ZBTB16: variants seen among roughly 807,000 people sequenced by gnomAD.
ZBTB16 encodes zinc finger and BTB domain-containing protein 16.
ZBTB16 carries 8 observed loss-of-function variants against 56.8 expected under a neutral mutation model. The observed-to-expected ratio is 0.14, with a 90% CI of 0.08 to 0.25. The LOEUF is 0.25. Among genes scored for constraint, ZBTB16 ranks in the 10% least tolerant of loss-of-function variants. ZBTB16 has a pLI of 1.00. For synonymous variants in ZBTB16, 363 were observed against 368.5 expected (o/e 0.98, Z 0.17); for missense variants, 625 against 903.0 (o/e 0.69, Z 3.95).
rs150453935 is a variant in ZBTB16 at position 114,062,875 on chromosome 11, G to C, written c.-90-336G>C. Among the ~76,000 whole-genome samples the C allele has an allele frequency of 5.2e-3, 794 of 152,282 alleles. 3 individuals are homozygous for C. The highest frequency in any genetic ancestry group is 8.0e-3 in the Non-Finnish European group (546 of 68,024). ...ATAATGAATGTTGGCCTTGCCTAGG[G>C]AGCCCCTACTCTCAGACACAGAGAA... On this transcript the variant is annotated intron_variant, in intron 1 of 6. Coordinates refer to ENST00000335953, the MANE Select transcript of ZBTB16 (RefSeq NM_006006.6).
chr11:114,147,684 TAAAAG>T (rs1299063303), intron 2 of ZBTB16, among the ~76,000 whole-genome samples: 1 of 152,180 alleles, frequency 6.6e-6, no homozygotes, highest in East Asian at 1.9e-4. Context: ...TCTGGTCTCT[TAAAAG>T]AAAAAGAAAA....
chr11:114,143,560 G>GA lies in ZBTB16; in HGVS notation c.1269-12771dup, dbSNP rs1434520777. 2.0e-5 allele frequency among the ~76,000 whole-genome samples: 3 copies of GA among 152,142 alleles called. No individual in the cohort carries two copies. Among genetic ancestry groups the GA allele is most frequent in the Non-Finnish European group, 4.4e-5 (3 of 68,034 alleles). On this transcript the variant is annotated intron_variant, in intron 2 of 6. Transcript: ENST00000335953. The surrounding 1 kb of genome is among the most constrained non-coding windows in gnomAD (Gnocchi z 6.4). ...TGCAGGGAGATTACACAAAAATGTA[G>GA]AAAAAATACGCTAGTGACAGGTCCT...
chr11:114,180,006 CCTT>C (rs1434329514), intron 3 of ZBTB16, among the ~76,000 whole-genome samples: 5 of 152,172 alleles, frequency 3.3e-5, no homozygotes, highest in Admixed American at 2.6e-4. Flanking sequence ...GCTGTTCCCT[CCTT>C]TGATTCCTGT....
Position 114,064,624 on chromosome 11 carries a change from C to T in ZBTB16, c.1268+56C>T. On this transcript the variant is annotated intron_variant, in intron 2 of 6. Transcript: ENST00000335953. The surrounding 1 kb of genome is among the most constrained non-coding windows in gnomAD (Gnocchi z 4.2). ...TAGGACTTGAGGCCCTCACACCCCTCCTTCACACCCTGGCTGCTCCCAAGT... is the reference window on the plus strand; with the variant it reads ...TAGGACTTGAGGCCCTCACACCCCTTCTTCACACCCTGGCTGCTCCCAAGT... The T allele has an allele frequency of 6.3e-7, 1 of 1,596,852 alleles. No homozygotes were observed. The highest frequency in any genetic ancestry group is 8.5e-7 in the Non-Finnish European group (1 of 1,172,666).
At chr11:114,169,137 G>A (rs937538615) in intron 3 of ZBTB16, among the ~76,000 whole-genome samples, 1 of 152,162 alleles carries the variant, frequency 6.6e-6, no homozygotes, top group African/African-American at 2.4e-5. Flanking sequence ...GCATGGCGAC[G>A]CAACTGGGTG....
intron 4 of ZBTB16, among the ~76,000 whole-genome samples, chr11:114,219,764 G>T (rs953246610): frequency 1.3e-5 from 2 of 152,212 alleles, no homozygotes; most frequent in Non-Finnish European, 2.9e-5. Flanking sequence ...TGGGAAGCGT[G>T]CAGAGTGGTG....
intron 2 of ZBTB16, among the ~76,000 whole-genome samples, chr11:114,066,409 A>G (rs1402664312): frequency 6.6e-6 from 1 of 152,208 alleles, no homozygotes; most frequent in Non-Finnish European, 1.5e-5. Flanking sequence ...TTTTTGCTCA[A>G]ACTTTCCTAA....
At chr11:114,191,052 C>T (rs1263540228) in intron 4 of ZBTB16, among the ~76,000 whole-genome samples, 1 of 152,040 alleles carries the variant, frequency 6.6e-6, no homozygotes. Context: ...AGCAGCTGCA[C>T]ACTTTTAAAT....
intron 3 of ZBTB16, among the ~76,000 whole-genome samples, chr11:114,177,464 G>A (rs1943145303): frequency 6.6e-6 from 1 of 152,138 alleles, no homozygotes; most frequent in Admixed American, 6.5e-5. Context: ...TGGTCAGGCT[G>A]GTCTCCAACT....
chr11:114,209,589 C>T (rs1042562153), intron 4 of ZBTB16: 3 of 985,294 alleles, frequency 3.0e-6, no homozygotes, highest in Non-Finnish European at 3.6e-6. Context: ...TCATTTCTTG[C>T]AAGGCAACTG....
chr11:114,200,115 G>A (rs180903806), intron 4 of ZBTB16, among the ~76,000 whole-genome samples: 5 of 145,742 alleles, frequency 3.4e-5, no homozygotes, highest in African/African-American at 1.3e-4. Flanking sequence ...GGGACAGAGC[G>A]AGACTCCGTC....
chr11:114,142,822 A>G (rs1168501820), intron 2 of ZBTB16, among the ~76,000 whole-genome samples: 1 of 152,124 alleles, frequency 6.6e-6, no homozygotes, highest in Non-Finnish European at 1.5e-5. Flanking sequence ...CCCGTTTAAA[A>G]AAGATTCCAC....
intron 2 of ZBTB16, among the ~76,000 whole-genome samples, chr11:114,066,120 C>T (rs1055104543): frequency 6.6e-6 from 1 of 152,190 alleles, no homozygotes; most frequent in Non-Finnish European, 1.5e-5. Context: ...GTGGATTCTC[C>T]ACTTCCTCCC....
At position 114,233,230 on chromosome 11, in the gene ZBTB16, CAAG is replaced by C. The variant is rs1475881765; in HGVS notation, c.1454-8930_1454-8928del. Among the ~76,000 whole-genome samples, 29 of 151,836 alleles carry C rather than the reference CAAG, an allele frequency of 1.9e-4. No individual in the cohort carries two copies. In the East Asian group the frequency reaches 3.9e-3, roughly 20 times the overall value. On this transcript the variant is annotated intron_variant, in intron 4 of 6. Coordinates refer to ENST00000335953, the MANE Select transcript of ZBTB16 (RefSeq NM_006006.6). ...AGGGTCCAGCCACTGGACTGGAAAC[CAAG>C]AAGAAGGAGCTGCTGGGGCAGGTGG...
chr11:114,078,314 G>C (rs1672693), intron 2 of ZBTB16, among the ~76,000 whole-genome samples: 150,415 of 152,292 alleles, frequency 0.99, 74,315 homozygotes, highest in Middle Eastern at 1. Context: ...TCCCTTGGTC[G>C]TCTCCCACCC....
rs1428287768 is a variant in ZBTB16, at chr11:114,143,167, C to T, written c.1269-13170C>T. 5.9e-5 allele frequency among the ~76,000 whole-genome samples: 9 copies of T among 152,094 alleles called. No individual in the cohort carries two copies. The highest frequency in any genetic ancestry group is 1.2e-4 in the African/African-American group (5 of 41,402). On this transcript the variant is annotated intron_variant, in intron 2 of 6. Coordinates refer to ENST00000335953, the MANE Select transcript of ZBTB16 (RefSeq NM_006006.6). This position sits in a 1 kb window ranked among gnomAD's most constrained non-coding sequence, Gnocchi z 6.4. Reference sequence around the variant, plus strand: ...ATGAGGGTGAGGAGCGGTGGGTACCCGGCTCTAAGCAATATGTTCTACTCC... The same window carrying T: ...ATGAGGGTGAGGAGCGGTGGGTACCTGGCTCTAAGCAATATGTTCTACTCC...
chr11:114,253,517 G>A lies in ZBTB16; in HGVS notation c.*2962G>A, dbSNP rs1005848908. On this transcript the variant is annotated 3_prime_UTR_variant, in exon 7 of 7. Coordinates refer to ENST00000335953, the MANE Select transcript of ZBTB16 (RefSeq NM_006006.6). ...GTGTGTTAAATCATGCAGTATTGTC[G>A]TAATCTGGTGTTGCAGCAATGGATG... Among the ~76,000 whole-genome samples the A allele has an allele frequency of 2.6e-5, 4 of 152,174 alleles. No individual in the cohort carries two copies. Among genetic ancestry groups the A allele is most frequent in the Non-Finnish European group, 5.9e-5 (4 of 68,028 alleles).
At position 114,063,968 on chromosome 11, in the gene ZBTB16, G is replaced by A; in HGVS notation, c.668G>A (p.Gly223Glu). The A allele has an allele frequency of 1.9e-6, 3 of 1,613,742 alleles. No individual in the cohort carries two copies. The highest frequency in any genetic ancestry group is 2.5e-6 in the Non-Finnish European group (3 of 1,179,980). ...CAGGGAACTCTTCAGCCACCTGCAG[G>A]GCCCGAGGAGCCAACTCTGGCTGGG... The part of the protein sequence containing the change: ...LLQGTLQPPA[G>E]PEEPTLAGGG... Residue 223 changes from glycine to glutamate, a missense_variant, in exon 2 of 7, where the codon GGG becomes GAG. Gly to Glu is a moderately conservative substitution (Grantham distance 98). Coordinates refer to ENST00000335953, the MANE Select transcript of ZBTB16 (RefSeq NM_006006.6). This position sits in a 1 kb window ranked among gnomAD's most constrained non-coding sequence, Gnocchi z 6.5.
chr11:114,077,055 C>A, intron 2 of ZBTB16, among the ~76,000 whole-genome samples: 1 of 152,156 alleles, frequency 6.6e-6, no homozygotes, highest in East Asian at 1.9e-4. Flanking sequence ...TAGTGGCAAG[C>A]AGATCATGTT....
Sources: gnomAD v4.1 joint callset for allele counts (sites outside exome capture counted in the v4.1 genomes callset) on GRCh38, gnomAD v4.1.1 for gene constraint, Gnocchi (gnomAD v3.1) non-coding constraint, MANE v1.5 for transcripts, NCBI Gene and HGNC (gene_info 2026-07-23, HGNC 2026-07-21) for gene names.